The following FBXL5 variants were observed in gnomAD, a reference collection of about 807,000 sequenced individuals.
The protein encoded by FBXL5 is F-box and leucine rich repeat protein 5.
Under a neutral mutation model 78.3 loss-of-function variants are expected in FBXL5, and 26 were observed. That is an observed-to-expected ratio of 0.33 (90% CI 0.24 to 0.46). FBXL5 has a LOEUF of 0.46. FBXL5 is among the 20% of genes least tolerant of loss of function. FBXL5 has a pLI of 1.00. For missense variants in FBXL5, 710 were observed against 829.2 expected, an observed-to-expected ratio of 0.86 and a Z score of 1.77; for synonymous variants, 295 against 282.5, an observed-to-expected ratio of 1.04 and a Z score of -0.45.
At chr4:15,626,124 C>T (rs1713036327) in intron 8 of FBXL5, 147 bp from the exon 9 acceptor site, 4 of 781,020 alleles carry the variant, frequency 5.1e-6, no homozygotes, top group Non-Finnish European at 7.7e-6. Flanking sequence ...TGTTAAGGTA[C>T]TATTCTTGAT....
rs773103823 is a variant in FBXL5 at position 15,625,435 on chromosome 4, G to T, written c.1667C>A (p.Ala556Asp). Residue 556 changes from alanine to aspartate, a missense_variant, in exon 9 of 11, where the codon GCT (alanine) becomes GAT (aspartate). This residue lies in a region of FBXL5 where 517 missense variants were observed against 542.9 expected (regional missense o/e 0.95). Coordinates refer to ENST00000341285, the MANE Select transcript of FBXL5 (RefSeq NM_012161.4). ...TGGGAGTGATGACATAGTTCTTAAA[G>T]CTGTTCCTGTACAACAAAATGAGTG... The part of the protein sequence containing the change: ...CGHSFCCTGT[A>D]LRTMSSLPES... 6.2e-7 allele frequency: 1 copy of T among 1,614,062 alleles called. No homozygotes were observed. The highest frequency in any genetic ancestry group is 1.6e-4 in the Middle Eastern group (1 of 6,062).
At chr4:15,678,850 C>T (rs973871859) in intron 1 of FBXL5, among the ~76,000 whole-genome samples, 4 of 152,082 alleles carry the variant, frequency 2.6e-5, no homozygotes, top group Admixed American at 6.6e-5. Flanking sequence ...TAATAAACTG[C>T]TGCAAATTCT....
At chr4:15,625,007 A>G (rs1712886712) in intron 9 of FBXL5, among the ~76,000 whole-genome samples, 1 of 152,216 alleles carries the variant, frequency 6.6e-6, no homozygotes, top group Non-Finnish European at 1.5e-5. Flanking sequence ...CCATTTACTA[A>G]GTATTTATTA....
rs753220825 is a variant in FBXL5, at chr4:15,626,889, C to T, written c.1108G>A (p.Asp370Asn). 1.2e-6 allele frequency: 2 copies of T among 1,610,228 alleles called. No individual in the cohort carries two copies. Among genetic ancestry groups the T allele is most frequent in the Non-Finnish European group, 1.7e-6 (2 of 1,178,158 alleles). The change falls in exon 8 of 11, where the codon GAT becomes AAT. Residue 370 changes from aspartate to asparagine, a missense_variant. Physicochemically the swap from Asp to Asn is conservative, Grantham distance 23. This residue lies in a region of FBXL5 where 517 missense variants were observed against 542.9 expected (regional missense o/e 0.95). Coordinates refer to ENST00000341285, the MANE Select transcript of FBXL5 (RefSeq NM_012161.4). Reference sequence around the variant, plus strand: ...ATAACTAACCTGTCAAATGCAGAATCTGAAATGTCAGTCTGGGTAAGATCC... The same window carrying T: ...ATAACTAACCTGTCAAATGCAGAATTTGAAATGTCAGTCTGGGTAAGATCC... Reference protein sequence around the residue: ...HLDLTQTDISDSAFDSWSWLG... With the variant: ...HLDLTQTDISNSAFDSWSWLG...
chr4:15,625,190 T>G, intron 9 of FBXL5, 62 bp downstream of exon 9: 2 of 1,504,550 alleles, frequency 1.3e-6, no homozygotes, highest in African/African-American at 1.4e-5. Flanking sequence ...ATCAAAATTT[T>G]TATATTCCAT....
intron 4 of FBXL5, 57 bp downstream of exon 4, chr4:15,638,448 TCAG>T: frequency 7.9e-7 from 1 of 1,269,018 alleles, no homozygotes; most frequent in South Asian, 1.6e-5. Context: ...ACAGTTCATA[TCAG>T]TAAGATGTCA....
At chr4:15,669,596 A>T (rs1001588043) in intron 1 of FBXL5, among the ~76,000 whole-genome samples, 3 of 152,198 alleles carry the variant, frequency 2.0e-5, no homozygotes, top group Admixed American at 1.3e-4. Flanking sequence ...ATGATAATAA[A>T]TACTCCCCTT....
intron 1 of FBXL5, among the ~76,000 whole-genome samples, chr4:15,666,061 G>C (rs1363673315): frequency 6.6e-6 from 1 of 151,354 alleles, no homozygotes; most frequent in Admixed American, 6.6e-5. Context: ...TCTTGTTCTT[G>C]TAATACAAAC....
chr4:15,614,865 G>T (rs1189094738), intron 9 of FBXL5, among the ~76,000 whole-genome samples: 1 of 152,142 alleles, frequency 6.6e-6, no homozygotes, highest in Non-Finnish European at 1.5e-5. Context: ...CCCTTTCTGG[G>T]CTGGCCAAGG....
chr4:15,640,911 TA>T (rs756801911), intron 2 of FBXL5, 28 bp from the exon 3 acceptor site: 1 of 1,270,622 alleles, frequency 7.9e-7, no homozygotes, highest in Non-Finnish European at 1.1e-6. Flanking sequence ...AATACATTTT[TA>T]TAAAAGTTTC....
chr4:15,654,979 G>A (rs1405683172), intron 1 of FBXL5, among the ~76,000 whole-genome samples: 1 of 151,750 alleles, frequency 6.6e-6, no homozygotes, highest in Non-Finnish European at 1.5e-5. Flanking sequence ...GACGCCGCCC[G>A]CCCCGAGAGC....
upstream of FBXL5, among the ~76,000 whole-genome samples, chr4:15,663,978 T>C (rs1241457850): frequency 6.6e-6 from 1 of 152,226 alleles, no homozygotes; most frequent in African/African-American, 2.4e-5. Flanking sequence ...CTGCATGAAT[T>C]GTAGGCACTC....
intron 1 of FBXL5, 91 bp downstream of exon 1, chr4:15,655,113 G>A (rs1716709445): frequency 1.9e-6 from 2 of 1,037,714 alleles, no homozygotes; most frequent in Non-Finnish European, 2.5e-6. Context: ...CGGGGCTGCG[G>A]GCGCGGCGCA....
chr4:15,630,994 G>C (rs1713585357), intron 5 of FBXL5, among the ~76,000 whole-genome samples: 2 of 152,062 alleles, frequency 1.3e-5, no homozygotes. Flanking sequence ...GTATATATGT[G>C]CCATGTTGGT....
chr4:15,625,953 C>G lies in FBXL5; in HGVS notation c.1149G>C (p.Gln383His). The G allele has an allele frequency of 6.3e-7, 1 of 1,589,948 alleles. No individual in the cohort carries two copies. The highest frequency in any genetic ancestry group is 8.5e-7 in the Non-Finnish European group (1 of 1,171,798). Residue 383 changes from glutamine (Q) to histidine (H), a missense_variant, in exon 9 of 11, where the codon CAG (glutamine) becomes CAC (histidine). Physicochemically the swap from Gln to His is conservative, Grantham distance 24. Transcript: ENST00000341285. The stretch of plus-strand genomic sequence containing the variant: ...CAGACAGATCAAGATGCCGAAGACT[C>G]TGGCAGCAACCAAGCCAAGACCAAC... ...FDSWSWLGCC[Q>H]SLRHLDLSGC...
upstream of FBXL5, among the ~76,000 whole-genome samples, chr4:15,663,865 T>C (rs1237712517): frequency 2.0e-5 from 3 of 152,208 alleles, no homozygotes; most frequent in Admixed American, 2.0e-4. Flanking sequence ...TCATCACTGT[T>C]CATTGACTTA....
At chr4:15,616,376 G>A (rs968511127) in intron 9 of FBXL5, among the ~76,000 whole-genome samples, 5 of 56,164 alleles carry the variant, frequency 8.9e-5, no homozygotes, top group African/African-American at 3.0e-4. Context: ...AGCCCAAAAG[G>A]CAGGTCTCAC....
At chr4:15,624,261 A>G (rs1186207042) in intron 9 of FBXL5, among the ~76,000 whole-genome samples, 1 of 152,210 alleles carries the variant, frequency 6.6e-6, no homozygotes, top group Non-Finnish European at 1.5e-5. Flanking sequence ...GGCTCATGTC[A>G]AAGATAATCG....
At chr4:15,660,676 G>T (rs1450519701), upstream of FBXL5, among the ~76,000 whole-genome samples, 1 of 152,124 alleles carries the variant, frequency 6.6e-6, no homozygotes, top group African/African-American at 2.4e-5. Flanking sequence ...AGTGATAAAA[G>T]GTGCTAGATT....
Sources: gnomAD v4.1 joint callset for allele counts (sites outside exome capture counted in the v4.1 genomes callset) on GRCh38, gnomAD v4.1.1 for gene constraint, gnomAD v4.1.1 regional missense constraint, MANE v1.5 for transcripts, NCBI Gene and HGNC (gene_info 2026-07-23, HGNC 2026-07-21) for gene names.